HTR2C: variants seen among roughly 807,000 people sequenced by gnomAD.
HTR2C encodes 5-hydroxytryptamine (serotonin) receptor 2C, G protein-coupled.
HTR2C carries 5 observed loss-of-function variants against 21.0 expected under a neutral mutation model. The ratio of observed to expected loss-of-function variants is 0.24; its 90% confidence interval spans 0.12 to 0.50. The LOEUF (loss-of-function observed/expected upper bound fraction) is 0.50. HTR2C is among the 20% of genes least tolerant of loss of function. The probability of loss-of-function intolerance (pLI) is 0.98; values close to 1 mark genes in which losing one functional copy is unlikely to be tolerated. For missense variants in HTR2C, 271 were observed against 371.2 expected (o/e 0.73, Z 2.22); for synonymous variants, 150 against 145.3 (o/e 1.03, Z -0.23).
Position 114,712,932 on chromosome X carries a change from T to TTTTG in HTR2C, c.-79-13914_-79-13911dup, listed in dbSNP as rs200161622. 7.2e-5 allele frequency among the ~76,000 whole-genome samples: 8 copies of TTTTG among 111,876 alleles called. No homozygotes were observed. In the South Asian group the frequency reaches 2.9e-3, roughly 41 times the overall value. ...TTTTAGGAGATAATTAGAATAATGT[T>TTTTG]TTTGTTTGTTTGTTTTTAAAAACTG... On this transcript the variant is annotated intron_variant, in intron 2 of 5. Transcript: ENST00000276198.
chrX:114,696,051 T>C (rs1427075143), intron 2 of HTR2C, among the ~76,000 whole-genome samples: 1 of 111,826 alleles, frequency 8.9e-6, no homozygotes, highest in Non-Finnish European at 1.9e-5. Flanking sequence ...TTTGTTCAAG[T>C]AGCATGCTTT....
intron 4 of HTR2C, among the ~76,000 whole-genome samples, chrX:114,813,259 C>T (rs1253606445): frequency 8.9e-6 from 1 of 111,746 alleles, no homozygotes; most frequent in Non-Finnish European, 1.9e-5. Flanking sequence ...TTAGTGGGGG[C>T]GATCCATCAA....
intron 5 of HTR2C, among the ~76,000 whole-genome samples, chrX:114,905,071 G>A (rs2071362030): frequency 1.8e-5 from 2 of 110,417 alleles, no homozygotes; most frequent in African/African-American, 6.6e-5. Context: ...TCTGCTTTAG[G>A]ATCTGGCCAT....
At chrX:114,778,534 G>A (rs2070082600) in intron 4 of HTR2C, among the ~76,000 whole-genome samples, 1 of 69,559 alleles carries the variant, frequency 1.4e-5, no homozygotes, top group South Asian at 1.0e-3. Context: ...GGAAAAAAAG[G>A]AGAAAATCAG....
intron 1 of HTR2C, among the ~76,000 whole-genome samples, chrX:114,595,965 C>T (rs1487904658): frequency 1.8e-5 from 2 of 112,256 alleles, no homozygotes; most frequent in African/African-American, 6.5e-5. Flanking sequence ...ATTATGACTT[C>T]TCTCTTACTT....
intron 1 of HTR2C, among the ~76,000 whole-genome samples, chrX:114,599,752 T>G (rs924171258): frequency 2.4e-4 from 27 of 112,465 alleles, no homozygotes; most frequent in African/African-American, 7.7e-4. Context: ...ATTGAAACAT[T>G]CACATATGTT....
chrX:114,639,041 A>G (rs927411976), intron 2 of HTR2C, among the ~76,000 whole-genome samples: 6 of 111,609 alleles, frequency 5.4e-5, no homozygotes, highest in African/African-American at 2.0e-4. Flanking sequence ...TACAAGAAGA[A>G]TGGATAACCT....
At chrX:114,601,795 G>C (rs1365063053) in intron 1 of HTR2C, among the ~76,000 whole-genome samples, 2 of 103,876 alleles carry the variant, frequency 1.9e-5, no homozygotes, top group African/African-American at 7.1e-5. Context: ...GAAAATTTTG[G>C]GGGGGTGGTA....
intron 2 of HTR2C, among the ~76,000 whole-genome samples, chrX:114,677,479 G>A (rs1193857759): frequency 9.1e-6 from 1 of 110,163 alleles, no homozygotes; most frequent in Non-Finnish European, 1.9e-5. Context: ...ACAAGAAAAT[G>A]TTCAACCCTA....
At chrX:114,749,901 T>G (rs782444705) in intron 4 of HTR2C, among the ~76,000 whole-genome samples, 21 of 112,335 alleles carry the variant, frequency 1.9e-4, no homozygotes, top group Admixed American at 1.0e-3. Flanking sequence ...TTCGTAGAGC[T>G]ATTTGCAGAT....
intron 4 of HTR2C, among the ~76,000 whole-genome samples, chrX:114,733,415 T>TA (rs2069556157): frequency 0.016 from 1,620 of 100,401 alleles, 18 homozygotes; most frequent in African/African-American, 0.035. Context: ...ATAAAAAAAT[T>TA]TAAAAAAAAA....
chrX:114,697,410 C>A (rs1932312241), intron 2 of HTR2C, among the ~76,000 whole-genome samples: 1 of 112,313 alleles, frequency 8.9e-6, no homozygotes, highest in Non-Finnish European at 1.9e-5. Context: ...CAGACTTGTT[C>A]AAATCCAATA....
At chrX:114,732,334 C>T (rs1556423585) in intron 4 of HTR2C, among the ~76,000 whole-genome samples, 1 of 111,838 alleles carries the variant, frequency 8.9e-6, no homozygotes, top group African/African-American at 3.2e-5. Context: ...GTTTATACAA[C>T]TCTACAAAGT....
intron 1 of HTR2C, among the ~76,000 whole-genome samples, chrX:114,584,862 G>T (rs2147783832): frequency 9.2e-6 from 1 of 108,943 alleles, no homozygotes; most frequent in South Asian, 4.2e-4. Flanking sequence ...TAGGTTCCAC[G>T]GAAGGAGCAT....
intron 4 of HTR2C, among the ~76,000 whole-genome samples, chrX:114,836,093 C>T (rs2070779834): frequency 9.2e-6 from 1 of 108,688 alleles, no homozygotes; most frequent in Non-Finnish European, 1.9e-5. Flanking sequence ...GCTGTGAGAA[C>T]CACTGCTCTC....
chrX:114,752,977 C>T lies in HTR2C; in HGVS notation c.349+21370C>T, dbSNP rs140146763. On this transcript the variant is annotated intron_variant, in intron 4 of 5. Transcript: ENST00000276198. ...AGTAGACTCACTTTTCCCTGCTGAT[C>T]TCCTCTAAATACAACCAAATACCCT... Among the ~76,000 whole-genome samples the T allele has an allele frequency of 3.9e-3, 434 of 111,304 alleles. 2 individuals are homozygous for T. The highest frequency in any genetic ancestry group is 0.019 in the South Asian group (51 of 2,664).
intron 5 of HTR2C, among the ~76,000 whole-genome samples, chrX:114,885,469 G>A (rs2071213407): frequency 9.0e-6 from 1 of 111,226 alleles, no homozygotes; most frequent in Non-Finnish European, 1.9e-5. Flanking sequence ...ACACGCAACT[G>A]TAATTAGATT....
intron 4 of HTR2C, among the ~76,000 whole-genome samples, chrX:114,796,853 G>A (rs981608628): frequency 1.8e-5 from 2 of 111,169 alleles, no homozygotes; most frequent in African/African-American, 3.3e-5. Context: ...GAATGCCCCC[G>A]TCACCTCACT....
rs782382356 is a variant in HTR2C at position 114,894,776 on chromosome X, A to C, written c.551-11813A>C. ...TGCTCTGTCACCCAGGCTGGAGTGC[A>C]GTATCATGATCTCGGCTCACTGCAA... On this transcript the variant is annotated intron_variant, in intron 5 of 5. Coordinates refer to ENST00000276198, the MANE Select transcript of HTR2C (RefSeq NM_000868.4). Among the ~76,000 whole-genome samples the C allele has an allele frequency of 2.7e-5, 3 of 110,801 alleles. No individual in the cohort carries two copies. In the East Asian group the frequency reaches 8.5e-4, roughly 31 times the overall value.
Sources: gnomAD v4.1 joint callset for allele counts (sites outside exome capture counted in the v4.1 genomes callset) on GRCh38, gnomAD v4.1.1 for gene constraint, MANE v1.5 for transcripts, NCBI Gene and HGNC (gene_info 2026-07-23, HGNC 2026-07-21) for gene names.